The following URGCP variants were observed in gnomAD, a reference collection of about 807,000 sequenced individuals.
The protein encoded by URGCP is upregulator of cell proliferation.
In URGCP, 13 loss-of-function variants were observed where a neutral mutation model predicts 24.6. The observed-to-expected ratio is 0.53, with a 90% CI of 0.34 to 0.84. The LOEUF (loss-of-function observed/expected upper bound fraction) is 0.84, where lower values mean the gene tolerates loss of function less well. Ranked by LOEUF, URGCP falls within the 40% of genes least tolerant of loss-of-function variation. The pLI is 0.01. For missense variants in URGCP, 899 were observed against 1,194.3 expected (o/e 0.75, Z 3.64); for synonymous variants, 444 against 487.2 (o/e 0.91, Z 1.17).
rs759902047 is a variant in URGCP at position 43,878,932 on chromosome 7, A to G, written c.531T>C (p.Pro177=). Residue 177 remains proline, a synonymous_variant, in exon 6 of 6, where the codon CCT becomes CCC. Transcript: ENST00000453200. This position sits in a 1 kb window ranked among gnomAD's most constrained non-coding sequence, Gnocchi z 5.6. ...DIYSFSELPT[P]DTPVNPLDLL... The stretch of plus-strand genomic sequence containing the variant: ...GGTCTAAGGGGTTCACTGGCGTATC[A>G]GGGGTGGGCAGCTCAGAAAAGGAAT... 6.2e-7 allele frequency: 1 copy of G among 1,614,222 alleles called. No individual in the cohort carries two copies. The highest frequency in any genetic ancestry group is 8.5e-7 in the Non-Finnish European group (1 of 1,180,034).
chr7:43,921,158 T>C (rs1179724140), intron 1 of URGCP, among the ~76,000 whole-genome samples: 1 of 152,014 alleles, frequency 6.6e-6, no homozygotes, highest in Admixed American at 6.6e-5. Flanking sequence ...ACCCTGTCTC[T>C]ATTAAATATA....
intron 1 of URGCP, among the ~76,000 whole-genome samples, chr7:43,915,578 C>G (rs1203806118): frequency 6.6e-6 from 1 of 152,252 alleles, no homozygotes; most frequent in Non-Finnish European, 1.5e-5. Context: ...CTGCCCCTCC[C>G]AGCTGGGGCT....
chr7:43,876,322 T>G lies in URGCP; in HGVS notation c.*345A>C. ...ACCACCTGCCCGCCTGGGCCTGCAG[T>G]GACTAAGGACGCTGCTCCCACTCCA... is the stretch of plus-strand genomic sequence containing the variant. On this transcript the variant is annotated 3_prime_UTR_variant, in exon 6 of 6. Transcript: ENST00000453200. 3.9e-6 allele frequency: 1 copy of G among 253,816 alleles called. No individual in the cohort carries two copies. Among genetic ancestry groups the G allele is most frequent in the Non-Finnish European group, 7.6e-6 (1 of 131,508 alleles). The allele number at this position is 253,816 out of a possible 1,614,324, so 15.7% of individuals were successfully genotyped here.
chr7:43,891,635 C>G (rs1220706053), intron 1 of URGCP, among the ~76,000 whole-genome samples: 1 of 152,198 alleles, frequency 6.6e-6, no homozygotes, highest in Non-Finnish European at 1.5e-5. Flanking sequence ...CTATAAAATC[C>G]ACAGCAAGCC....
At chr7:43,906,779 G>C (rs1025786537), upstream of URGCP, 1 of 305,062 alleles carries the variant, frequency 3.3e-6, no homozygotes, top group African/African-American at 2.2e-5. Flanking sequence ...GGGCGGGGCG[G>C]CCCAGGTCAG....
rs145556799 is a variant in URGCP at position 43,913,231 on chromosome 7, C to T, written c.-116+12901G>A. ...TTTTTTGTTTGTTTGTTTTTTGAGA[C>T]GGAGTCTCGCTCTGTGGTCCAGGCT... On this transcript the variant is annotated intron_variant, in intron 1 of 5. Coordinates refer to the URGCP transcript ENST00000426198. Among the ~76,000 whole-genome samples the T allele has an allele frequency of 2.7e-3, 409 of 152,138 alleles. 6 individuals are homozygous for T. In the East Asian group the frequency reaches 0.037, roughly 14 times the overall value.
At chr7:43,902,340 C>T (rs1012650234) in intron 1 of URGCP, among the ~76,000 whole-genome samples, 2 of 152,080 alleles carry the variant, frequency 1.3e-5, no homozygotes, top group African/African-American at 4.8e-5. Flanking sequence ...ACTCAGTCAC[C>T]TCATCCACTA....
intron 5 of URGCP, among the ~76,000 whole-genome samples, chr7:43,880,722 T>A (rs2095852531): frequency 6.6e-6 from 1 of 152,242 alleles, no homozygotes; most frequent in Admixed American, 6.5e-5. Flanking sequence ...TGAGGCACCG[T>A]GCTGAGTCAC....
intron 1 of URGCP, among the ~76,000 whole-genome samples, chr7:43,914,328 C>G (rs1283826622): frequency 1.3e-5 from 2 of 151,996 alleles, no homozygotes; most frequent in Non-Finnish European, 2.9e-5. Context: ...ATGGTAAAAC[C>G]GCATCTCTAA....
chr7:43,911,202 A>C (rs2095909726), upstream of URGCP, among the ~76,000 whole-genome samples: 1 of 152,078 alleles, frequency 6.6e-6, no homozygotes, highest in Non-Finnish European at 1.5e-5. Context: ...GGAGTTCGAG[A>C]CCAGTAGGGC....
At chr7:43,914,062 T>G (rs907374699) in intron 1 of URGCP, among the ~76,000 whole-genome samples, 1 of 152,184 alleles carries the variant, frequency 6.6e-6, no homozygotes, top group Non-Finnish European at 1.5e-5. Flanking sequence ...TGCAGTGGCG[T>G]GATATTAGCT....
chr7:43,882,122 A>AC, intron 3 of URGCP, 165 bp from the exon 4 acceptor site: 1 of 1,180,940 alleles, frequency 8.5e-7, no homozygotes, highest in Non-Finnish European at 1.1e-6. Context: ...ACAAAGCAAG[A>AC]CCCTGTGTCT....
chr7:43,900,180 G>A (rs889574269), intron 1 of URGCP, among the ~76,000 whole-genome samples: 1 of 151,152 alleles, frequency 6.6e-6, no homozygotes, highest in East Asian at 1.9e-4. Flanking sequence ...TCAGCCGGGC[G>A]CGGTGGCTCA....
In URGCP at chr7:43,877,906, G is replaced by C. The variant is rs955043467; in HGVS notation, c.1557C>G (p.Asp519Glu). ...GCTCAGCCCTGTGCTTCTCAGGGGG[G>C]TCCACGGCCCACTGGAGCTGGCAGA... ...KEFCQLQWAV[D>E]PPEKHRAELR... is the part of the protein sequence containing the mutation. Residue 519 changes from aspartate to glutamate, a missense_variant, in exon 6 of 6, where the codon GAC becomes GAG. Coordinates refer to ENST00000453200, the MANE Select transcript of URGCP (RefSeq NM_001077663.3). 1 of 1,613,860 alleles carries C rather than the reference G, an allele frequency of 6.2e-7. No individual in the cohort carries two copies. Among genetic ancestry groups the C allele is most frequent in the Non-Finnish European group, 8.5e-7 (1 of 1,180,012 alleles).
upstream of URGCP, among the ~76,000 whole-genome samples, chr7:43,911,179 T>C (rs1465478774): frequency 6.6e-6 from 1 of 152,096 alleles, no homozygotes; most frequent in Non-Finnish European, 1.5e-5. Context: ...GGCAGGTGGA[T>C]CACTTGAGGT....
At chr7:43,913,712 T>C (rs933875582) in intron 1 of URGCP, among the ~76,000 whole-genome samples, 2 of 151,942 alleles carry the variant, frequency 1.3e-5, no homozygotes, top group Non-Finnish European at 2.9e-5. Context: ...TATTTATTTA[T>C]TTTTGAGATG....
At chr7:43,881,480 T>TTG (rs1027838958) in intron 5 of URGCP, among the ~76,000 whole-genome samples, 179 bp downstream of exon 5, 30 of 150,102 alleles carry the variant, frequency 2.0e-4, no homozygotes, top group African/African-American at 7.0e-4. Flanking sequence ...CAGGGTTTTT[T>TTG]TTTTTTTTTT....
At chr7:43,918,621 A>G (rs2132729668) in intron 1 of URGCP, 1 of 560,110 alleles carries the variant, frequency 1.8e-6, no homozygotes. Flanking sequence ...AGCTTAATTA[A>G]AAGTGGATAT....
At chr7:43,918,446 A>C (rs1482314773) in intron 1 of URGCP, among the ~76,000 whole-genome samples, 1 of 151,490 alleles carries the variant, frequency 6.6e-6, no homozygotes, top group Non-Finnish European at 1.5e-5. Context: ...ATTTCCAGCT[A>C]ATTTTTGTAT....
Sources: allele counts gnomAD v4.1 joint callset (sites outside exome capture counted in the v4.1 genomes callset), GRCh38; gene constraint gnomAD v4.1.1; non-coding constraint Gnocchi (gnomAD v3.1); transcripts MANE v1.5; gene names NCBI Gene and HGNC (gene_info 2026-07-23, HGNC 2026-07-21).